Variants in ANKS3 observed in about 807,000 individuals in gnomAD.
The protein encoded by ANKS3 is ankyrin repeat and sterile alpha motif domain containing 3.
ANKS3 carries 62 observed loss-of-function variants against 80.7 expected under a neutral mutation model. The ratio of observed to expected loss-of-function variants is 0.77; its 90% confidence interval spans 0.63 to 0.95. The LOEUF is 0.95. ANKS3 is among the 40% of genes least tolerant of loss of function. The probability of loss-of-function intolerance (pLI) is 0.00; values close to 1 mark genes in which losing one functional copy is unlikely to be tolerated. For missense variants in ANKS3, 1,150 were observed against 883.6 expected (o/e 1.30, Z -3.82); for synonymous variants, 489 against 355.3 (o/e 1.38, Z -4.23).
chr16:4,704,124 G>A (rs1021826466), intron 8 of ANKS3, among the ~76,000 whole-genome samples: 1 of 152,224 alleles, frequency 6.6e-6, no homozygotes, highest in Non-Finnish European at 1.5e-5. Context: ...AGCAGCTCGA[G>A]AGAGGCCTTC....
intron 6 of ANKS3, among the ~76,000 whole-genome samples, chr16:4,718,765 A>C (rs2080938512): frequency 6.6e-6 from 1 of 152,210 alleles, no homozygotes; most frequent in Non-Finnish European, 1.5e-5. Flanking sequence ...CAAAGCAGTC[A>C]CTAACCAACA....
chr16:4,699,786 T>C (rs1342552919), intron 11 of ANKS3: 3 of 153,612 alleles, frequency 2.0e-5, no homozygotes, highest in Admixed American at 1.3e-4. Context: ...TCAGGTGACC[T>C]GTGTTCACAA....
At chr16:4,701,821 AACAG>A (rs2079923933) in intron 9 of ANKS3, 1 of 502,836 alleles carries the variant, frequency 2.0e-6, no homozygotes, top group African/African-American at 2.0e-5. Context: ...GTGCAGTTAT[AACAG>A]ACATTCCTAC....
At chr16:4,720,499 GT>G (rs1217837014) in intron 6 of ANKS3, among the ~76,000 whole-genome samples, 1 of 150,466 alleles carries the variant, frequency 6.6e-6, no homozygotes, top group Non-Finnish European at 1.5e-5. Flanking sequence ...AAGGGGAGGG[GT>G]GTGAACCAGG....
In ANKS3 at chr16:4,727,087, C is replaced by A. The variant is rs757796174; in HGVS notation, c.261G>T (p.Leu87=). The change falls in exon 4 of 18, where the codon CTG becomes CTT. Residue 87 remains leucine, a synonymous_variant. Transcript: ENST00000304283. Reference sequence around the variant, plus strand: ...TCACACTCACCCCCGCCTCAAGCAGCAGGTGCACGATTGTGTCGTGGCCAA... The same window carrying A: ...TCACACTCACCCCCGCCTCAAGCAGAAGGTGCACGATTGTGTCGTGGCCAA... ...SYIGHDTIVH[L]LLEAGVSVNV... is the part of the protein sequence containing the mutation. 1.2e-6 allele frequency: 2 copies of A among 1,614,226 alleles called. No homozygotes were observed. Among genetic ancestry groups the A allele is most frequent in the Admixed American group, 3.3e-5 (2 of 60,024 alleles).
chr16:4,714,693 C>A (rs1290319092), intron 6 of ANKS3, among the ~76,000 whole-genome samples: 1 of 152,178 alleles, frequency 6.6e-6, no homozygotes, highest in Non-Finnish European at 1.5e-5. Flanking sequence ...GGCTTTAGTG[C>A]ACAAAGATGT....
chr16:4,724,257 G>A (rs1314279156), intron 6 of ANKS3, among the ~76,000 whole-genome samples: 2 of 151,554 alleles, frequency 1.3e-5, no homozygotes, highest in Non-Finnish European at 2.9e-5. Flanking sequence ...AAGATAAGAT[G>A]TCTATAAGAT....
chr16:4,716,457 T>C (rs1175670410), intron 6 of ANKS3, among the ~76,000 whole-genome samples: 8 of 151,810 alleles, frequency 5.3e-5, no homozygotes, highest in African/African-American at 1.9e-4. Flanking sequence ...GGCCTCAACC[T>C]TGACCCCCAT....
At chr16:4,727,214 G>A (rs373560290) in intron 3 of ANKS3, 37 bp from the exon 4 acceptor site, 33 of 1,603,344 alleles carry the variant, frequency 2.1e-5, no homozygotes, top group Admixed American at 5.0e-5. Context: ...ATGGCCAGCC[G>A]CCTCGCATGT....
chr16:4,714,864 C>A (rs569452978), intron 6 of ANKS3, among the ~76,000 whole-genome samples: 2 of 151,660 alleles, frequency 1.3e-5, no homozygotes, highest in African/African-American at 4.8e-5. Context: ...TGGTGGTGAA[C>A]GCCTATAGTC....
At chr16:4,712,632 A>G (rs908904537) in intron 7 of ANKS3, among the ~76,000 whole-genome samples, 1 of 152,122 alleles carries the variant, frequency 6.6e-6, no homozygotes, top group Non-Finnish European at 1.5e-5. Context: ...GTAAAACACC[A>G]CTCAGGAATA....
In ANKS3 at chr16:4,704,715, C is replaced by T. The variant is rs149051868; in HGVS notation, c.868+380G>A. 1.9e-4 allele frequency among the ~76,000 whole-genome samples: 29 copies of T among 152,354 alleles called. No individual in the cohort carries two copies. The East Asian group carries it at 4.8e-3, about 25-fold the overall frequency. On this transcript the variant is annotated intron_variant, in intron 8 of 17. Transcript: ENST00000304283. ...CCTGCCCCCAGCAGCGCACCCGACC[C>T]AGCTGGTATGGGCAGGGCAGGGAAG...
At position 4,727,133 on chromosome 16, in the gene ANKS3, G is replaced by T; in HGVS notation, c.215C>A (p.Pro72Gln). ...LNKKNGGGWT[P>Q]LMYASYIGHD... The stretch of plus-strand genomic sequence containing the variant: ...GCCAATGTAGGAGGCATACATCAGC[G>T]GGGTCCAGCCACCACCATTCTTCTT... The change falls in exon 4 of 18, where the codon CCG becomes CAG. Residue 72 changes from proline to glutamine, a missense_variant. Transcript: ENST00000304283. 6.2e-7 allele frequency: 1 copy of T among 1,614,178 alleles called. No individual in the cohort carries two copies. Among genetic ancestry groups the T allele is most frequent in the East Asian group, 2.2e-5 (1 of 44,888 alleles).
intron 7 of ANKS3, among the ~76,000 whole-genome samples, chr16:4,708,964 A>G (rs1440001578): frequency 6.6e-6 from 1 of 151,682 alleles, no homozygotes; most frequent in Admixed American, 6.6e-5. Context: ...ACAAACACAA[A>G]TATTCAAAAT....
chr16:4,719,376 C>A (rs2080967318), intron 6 of ANKS3, among the ~76,000 whole-genome samples: 2 of 152,142 alleles, frequency 1.3e-5, no homozygotes, highest in Admixed American at 1.3e-4. Context: ...GAGTACATAT[C>A]TCTTATGATC....
Position 4,716,232 on chromosome 16 carries a change from C to T in ANKS3, c.574-2046G>A, listed in dbSNP as rs965049368. ...GAAATTAGCCGGGCGTGGTGGTGGG[C>T]ACCTGCAGTCCCAGCTACTCCGGGG... On this transcript the variant is annotated intron_variant, in intron 6 of 17. Transcript: ENST00000304283. Among the ~76,000 whole-genome samples the T allele has an allele frequency of 3.4e-4, 52 of 151,640 alleles. 1 individual carries two copies. Among genetic ancestry groups the T allele is most frequent in the Non-Finnish European group, 6.8e-4 (46 of 67,856 alleles).
At chr16:4,718,656 G>C (rs543294149) in intron 6 of ANKS3, among the ~76,000 whole-genome samples, 2 of 152,350 alleles carry the variant, frequency 1.3e-5, no homozygotes, top group East Asian at 3.9e-4. Context: ...GAAAAACGTG[G>C]GAGAGAGGAG....
intron 7 of ANKS3, among the ~76,000 whole-genome samples, chr16:4,710,583 C>A (rs2080431188): frequency 1.3e-5 from 2 of 151,944 alleles, no homozygotes; most frequent in South Asian, 4.1e-4. Context: ...GTAGGGTGCA[C>A]CTACAGTCCT....
At chr16:4,696,994 G>T in intron 17 of ANKS3, 23 bp downstream of exon 17, 2 of 1,609,790 alleles carry the variant, frequency 1.2e-6, no homozygotes, top group Non-Finnish European at 1.7e-6. Flanking sequence ...CACCACGCGG[G>T]ATCCAGGCTG....
Sources: gnomAD v4.1 joint callset for allele counts (sites outside exome capture counted in the v4.1 genomes callset) on GRCh38, gnomAD v4.1.1 for gene constraint, MANE v1.5 for transcripts, NCBI Gene and HGNC (gene_info 2026-07-23, HGNC 2026-07-21) for gene names.